Variants in EIF2AK1 observed in about 807,000 individuals in gnomAD.
EIF2AK1 encodes eukaryotic translation initiation factor 2 alpha kinase 1.
A neutral mutation model predicts 77.9 loss-of-function variants in EIF2AK1; 54 were observed. The ratio of observed to expected loss-of-function variants is 0.69; its 90% CI spans 0.56 to 0.87. The LOEUF (loss-of-function observed/expected upper bound fraction) is 0.87, where lower values mean the gene tolerates loss of function less well. EIF2AK1 is among the 40% of genes least tolerant of loss of function. The pLI is 0.00. For synonymous variants in EIF2AK1, 314 were observed against 290.5 expected (o/e 1.08, Z -0.82); for missense variants, 810 against 768.6 (o/e 1.05, Z -0.64).
Position 6,023,522 on chromosome 7 carries a change from A to C in EIF2AK1, c.*1151T>G. ...CGCTCCATGAACTCTGCTCTTGGGA[A>C]GAGCCCTTGGCTCGCTGGGAATGAA... On this transcript the variant is annotated 3_prime_UTR_variant, in exon 15 of 15. Coordinates refer to ENST00000199389, the MANE Select transcript of EIF2AK1 (RefSeq NM_014413.4). The C allele has an allele frequency of 6.2e-7, 1 of 1,614,230 alleles. No homozygotes were observed. Among genetic ancestry groups the C allele is most frequent in the South Asian group, 1.1e-5 (1 of 91,086 alleles).
rs1047133093 is a variant in EIF2AK1 at position 6,037,451 on chromosome 7, G to A, written c.1305C>T (p.Asn435=). Residue 435 remains asparagine (N), a synonymous_variant, in exon 11 of 15, where the codon AAC becomes AAT. Coordinates refer to ENST00000199389, the MANE Select transcript of EIF2AK1 (RefSeq NM_014413.4). ...ELVEGVFYIH[N]MGIVHRDLKP... The stretch of plus-strand genomic sequence containing the variant: ...TCAGATCTCGGTGCACAATTCCCAT[G>A]TTATGTATGTAAAACACACCTTCTA... The A allele has an allele frequency of 3.7e-6, 6 of 1,610,994 alleles. No individual in the cohort carries two copies. Among genetic ancestry groups the A allele is most frequent in the Middle Eastern group, 1.7e-4 (1 of 6,056 alleles).
At position 6,036,834 on chromosome 7, in the gene EIF2AK1, T is replaced by A. The variant is rs1235116548; in HGVS notation, c.1332+590A>T. Among the ~76,000 whole-genome samples the A allele has an allele frequency of 1.3e-5, 2 of 152,148 alleles. No homozygotes were observed. Among genetic ancestry groups the A allele is most frequent in the African/African-American group, 2.4e-5 (1 of 41,432 alleles). ...AATGAGCATTTCTGTCAGCACTAAA[T>A]ACATTTAGCACCCCTGATTATAGCA... On this transcript the variant is annotated intron_variant, in intron 11 of 14. Coordinates refer to ENST00000199389, the MANE Select transcript of EIF2AK1 (RefSeq NM_014413.4). This position sits in a 1 kb window ranked among gnomAD's most constrained non-coding sequence, Gnocchi z 4.6.
rs180691080 is a variant in EIF2AK1, at chr7:6,037,435, G to A, written c.1321C>T (p.Arg441Ter). The change falls in exon 11 of 15, where the codon CGA becomes TGA. Residue 441 changes from arginine (R) to a stop codon, truncating the protein, a stop_gained. Coordinates refer to ENST00000199389, the MANE Select transcript of EIF2AK1 (RefSeq NM_014413.4). LOFTEE classifies it high-confidence loss of function. The part of the protein sequence containing the change: ...FYIHNMGIVH[R>*]DLKPRNIFLH... ...TCGCCCCCACTTACCTTCAGATCTC[G>A]GTGCACAATTCCCATGTTATGTATG... is the stretch of plus-strand genomic sequence containing the variant. 11 of 1,607,204 alleles carry A rather than the reference G, an allele frequency of 6.8e-6. No homozygotes were observed. The Admixed American group carries it at 1.0e-4, about 15-fold the overall frequency.
chr7:6,042,984 G>C lies in EIF2AK1; in HGVS notation c.740C>G (p.Ala247Gly), dbSNP rs767913689. ...VHVIQPRADR[A>G]AIELPSLEVL... ...TTCCAGAGATGGCAACTCAATGGCA[G>C]CTCTGTCTGCTGAATGAAAACAAAC... Residue 247 changes from alanine (A) to glycine (G), a missense_variant, in exon 8 of 15, where the codon GCT becomes GGT. Physicochemically the swap from Ala to Gly is moderately conservative, Grantham distance 60. Transcript: ENST00000199389. 1.9e-6 allele frequency: 3 copies of C among 1,614,096 alleles called. No individual in the cohort carries two copies. Among genetic ancestry groups the C allele is most frequent in the African/African-American group, 1.3e-5 (1 of 75,048 alleles).
intron 9 of EIF2AK1, among the ~76,000 whole-genome samples, chr7:6,040,400 T>A (rs1186938779): frequency 1.3e-5 from 2 of 152,086 alleles, no homozygotes; most frequent in Admixed American, 1.3e-4. Context: ...GGGGAAAGCA[T>A]GGTGGCAGCG....
At position 6,044,084 on chromosome 7, in the gene EIF2AK1, G is replaced by A. The variant is rs185042587; in HGVS notation, c.730+478C>T. On this transcript the variant is annotated intron_variant, in intron 7 of 14. Coordinates refer to ENST00000199389, the MANE Select transcript of EIF2AK1 (RefSeq NM_014413.4). Reference sequence around the variant, plus strand: ...ACTACACTCCAGCCTGGGTGACAGAGCGAGACTCTGTCTCAAAAAAAAGAA... The same window carrying A: ...ACTACACTCCAGCCTGGGTGACAGAACGAGACTCTGTCTCAAAAAAAAGAA... Among the ~76,000 whole-genome samples, 196 of 151,926 alleles carry A rather than the reference G, an allele frequency of 1.3e-3. 1 individual carries two copies. The highest frequency in any genetic ancestry group is 1.3e-3 in the Non-Finnish European group (86 of 67,962).
At chr7:6,028,450 C>T (rs1289068330) in intron 13 of EIF2AK1, among the ~76,000 whole-genome samples, 165 bp downstream of exon 13, 1 of 152,222 alleles carries the variant, frequency 6.6e-6, no homozygotes, top group Admixed American at 6.5e-5. Context: ...CCAGGTTTCA[C>T]CATGTTGACC....
Position 6,022,524 on chromosome 7 carries a change from AT to A in EIF2AK1, c.*2148del, listed in dbSNP as rs1787501025. 1 of 152,274 alleles carries A rather than the reference AT, an allele frequency of 6.6e-6. No homozygotes were observed. The highest frequency in any genetic ancestry group is 2.1e-4 in the South Asian group (1 of 4,832). 9.4% of individuals were successfully genotyped at this position (152,274 alleles called of 1,614,324 possible). ...ATAAGAGGCAGCAAGGGTTTAGGACATTCTGTGGCATACTGGCCACATAGCG... is the reference window on the plus strand; with the variant it reads ...ATAAGAGGCAGCAAGGGTTTAGGACATCTGTGGCATACTGGCCACATAGCG... On this transcript the variant is annotated 3_prime_UTR_variant, in exon 15 of 15. Coordinates refer to ENST00000199389, the MANE Select transcript of EIF2AK1 (RefSeq NM_014413.4).
intron 3 of EIF2AK1, 78 bp downstream of exon 3, chr7:6,049,834 C>T (rs1788554327): frequency 7.2e-7 from 1 of 1,384,458 alleles, no homozygotes; most frequent in Non-Finnish European, 9.9e-7. Context: ...ATCAGAATTT[C>T]ACAGTGCTTT....
chr7:6,056,783 T>C (rs1788787001), intron 1 of EIF2AK1, among the ~76,000 whole-genome samples: 1 of 151,456 alleles, frequency 6.6e-6, no homozygotes, highest in Admixed American at 6.6e-5. Flanking sequence ...GCAGAAACCC[T>C]TATCACAATG....
Position 6,036,443 on chromosome 7 carries a change from C to A in EIF2AK1, c.1332+981G>T. On this transcript the variant is annotated intron_variant, in intron 11 of 14. Coordinates refer to ENST00000199389, the MANE Select transcript of EIF2AK1 (RefSeq NM_014413.4). This position sits in a 1 kb window ranked among gnomAD's most constrained non-coding sequence, Gnocchi z 4.6. ...CTTTCAGCCACTCAAACTGCATTTT[C>A]TGGCTAGACATGTCCCAGAAAATGC... The A allele has an allele frequency of 7.7e-7, 1 of 1,298,802 alleles. No homozygotes were observed. The allele number at this position is 1,298,802 out of a possible 1,614,324, so 80.5% of individuals were successfully genotyped here.
chr7:6,038,097 G>A (rs1007318170), intron 10 of EIF2AK1, among the ~76,000 whole-genome samples: 2 of 152,096 alleles, frequency 1.3e-5, no homozygotes, highest in African/African-American at 2.4e-5. Flanking sequence ...ACATTTAGAG[G>A]ATGGAGAGGT....
chr7:6,056,153 C>T (rs754256227), intron 1 of EIF2AK1, among the ~76,000 whole-genome samples: 5 of 146,692 alleles, frequency 3.4e-5, no homozygotes, highest in Non-Finnish European at 7.5e-5. Context: ...ATTAGGTGAG[C>T]GTGGTGGTGT....
Position 6,038,548 on chromosome 7 carries a change from G to C in EIF2AK1, c.1231+12C>G, listed in dbSNP as rs763686029. ...TCTATTTCCCGGCCCGGCAGACCCA[G>C]ATGGTACTCACAGGCAGACTCGTCC... On this transcript the variant is annotated intron_variant, in intron 10 of 14. Coordinates refer to ENST00000199389, the MANE Select transcript of EIF2AK1 (RefSeq NM_014413.4). 1.9e-6 allele frequency: 3 copies of C among 1,603,818 alleles called. No individual in the cohort carries two copies. The Admixed American group carries it at 5.1e-5, about 27-fold the overall frequency.
Position 6,036,387 on chromosome 7 carries a change from A to T in EIF2AK1, c.1332+1037T>A. The T allele has an allele frequency of 6.9e-7, 1 of 1,459,142 alleles. No individual in the cohort carries two copies. The highest frequency in any genetic ancestry group is 9.0e-7 in the Non-Finnish European group (1 of 1,106,990). The allele number at this position is 1,459,142 out of a possible 1,614,324, so 90.4% of individuals were successfully genotyped here. A position where few individuals can be genotyped will look rare whatever the true frequency, so the allele number is the denominator to read the frequency against. On this transcript the variant is annotated intron_variant, in intron 11 of 14. Coordinates refer to ENST00000199389, the MANE Select transcript of EIF2AK1 (RefSeq NM_014413.4). The surrounding 1 kb of genome is among the most constrained non-coding windows in gnomAD (Gnocchi z 4.6). ...TTATGACTTGGCATATACCTCTTGAAATAAGACCTCCCAGTTTCACAGCAG... is the reference window on the plus strand; with the variant it reads ...TTATGACTTGGCATATACCTCTTGATATAAGACCTCCCAGTTTCACAGCAG...
At chr7:6,030,524 G>C (rs1316611622) in intron 11 of EIF2AK1, among the ~76,000 whole-genome samples, 1 of 152,156 alleles carries the variant, frequency 6.6e-6, no homozygotes, top group South Asian at 2.1e-4. Context: ...CTTTAAGACA[G>C]AGTCTTGCTG....
At chr7:6,046,213 T>C in intron 5 of EIF2AK1, 62 bp from the exon 6 acceptor site, 1 of 970,156 alleles carries the variant, frequency 1.0e-6, no homozygotes. Flanking sequence ...AATAAAGAGG[T>C]TCTTTTAATC....
In EIF2AK1 at chr7:6,026,748, G is replaced by T. The variant is rs148948805; in HGVS notation, c.1744C>A (p.Leu582Ile). The change falls in exon 14 of 15, where the codon CTT becomes ATT. Residue 582 changes from leucine to isoleucine, a missense_variant. Leu to Ile is a conservative substitution (Grantham distance 5, BLOSUM62 2). Transcript: ENST00000199389. ...PSAIQLLQSE[L>I]FQNSGNVNLT... ...CATACATTTCCAGAATTTTGGAAAA[G>T]TTCACTCTGCAGCAGCTGAATGGCA... 271 of 1,614,040 alleles carry T rather than the reference G, an allele frequency of 1.7e-4. No homozygotes were observed. The highest frequency in any genetic ancestry group is 2.0e-4 in the Non-Finnish European group (237 of 1,179,984).
chr7:6,043,115 T>C, intron 7 of EIF2AK1, 122 bp from the exon 8 acceptor site: 3 of 969,944 alleles, frequency 3.1e-6, no homozygotes, highest in Non-Finnish European at 4.7e-6. Flanking sequence ...TGTCATGACC[T>C]TCTGGCAAAA....
Sources: allele counts gnomAD v4.1 joint callset (sites outside exome capture counted in the v4.1 genomes callset), GRCh38; gene constraint gnomAD v4.1.1; non-coding constraint Gnocchi (gnomAD v3.1); transcripts MANE v1.5; gene names NCBI Gene and HGNC (gene_info 2026-07-23, HGNC 2026-07-21).